The following PRKDC variants were observed in gnomAD, a reference collection of about 807,000 sequenced individuals.
PRKDC encodes the protein protein kinase, DNA-activated, catalytic subunit, also known as DNA-dependent protein kinase catalytic subunit.
Under a neutral mutation model 486.9 loss-of-function variants are expected in PRKDC, and 82 were observed. The observed-to-expected ratio is 0.17, with a 90% CI of 0.14 to 0.20. The LOEUF (loss-of-function observed/expected upper bound fraction) is 0.20, where lower values mean the gene tolerates loss of function less well. Among genes scored for constraint, PRKDC ranks in the 10% least tolerant of loss-of-function variants. The probability of loss-of-function intolerance (pLI) is 1.00; values close to 1 mark genes in which losing one functional copy is unlikely to be tolerated. For missense variants in PRKDC, 4,504 were observed against 5,038.2 expected, an observed-to-expected ratio of 0.89 and a Z score of 3.21; for synonymous variants, 1,895 against 1,837.0, an observed-to-expected ratio of 1.03 and a Z score of -0.81.
At chr8:47,816,607 C>T (rs764465432) in intron 68 of PRKDC, among the ~76,000 whole-genome samples, 2 of 152,002 alleles carry the variant, frequency 1.3e-5, no homozygotes, top group African/African-American at 2.4e-5. Context: ...TGATCTATAA[C>T]GAGGCAAAGG....
chr8:47,944,074 T>A (rs8178006), intron 7 of PRKDC, 45 bp from the exon 8 acceptor site: 1 of 1,453,290 alleles, frequency 6.9e-7, no homozygotes, highest in Admixed American at 2.0e-5. Flanking sequence ...AATAACAGTA[T>A]CACATAACAC....
At chr8:47,914,793 GAA>G (rs538297890) in intron 23 of PRKDC, among the ~76,000 whole-genome samples, 13 of 125,732 alleles carry the variant, frequency 1.0e-4, no homozygotes, top group East Asian at 2.3e-4. Flanking sequence ...AGAGCGAGGG[GAA>G]AAAAAAAAAA....
intron 78 of PRKDC, among the ~76,000 whole-genome samples, chr8:47,783,196 C>T (rs976898964): frequency 2.0e-5 from 3 of 150,072 alleles, no homozygotes; most frequent in Non-Finnish European, 4.4e-5. Flanking sequence ...GAGAATCGCC[C>T]GAACCCAGGG....
intron 64 of PRKDC, among the ~76,000 whole-genome samples, chr8:47,822,454 T>C (rs1021987711): frequency 6.6e-6 from 1 of 152,158 alleles, no homozygotes; most frequent in East Asian, 1.9e-4. Flanking sequence ...AGAATAAAAT[T>C]AGAATACAGG....
intron 25 of PRKDC, among the ~76,000 whole-genome samples, chr8:47,907,689 C>T (rs1209744875): frequency 6.6e-6 from 1 of 151,854 alleles, no homozygotes; most frequent in Admixed American, 6.6e-5. Flanking sequence ...CGTCCACCAC[C>T]ACGCCCGGCT....
chr8:47,781,661 T>TA, intron 80 of PRKDC, among the ~76,000 whole-genome samples: 1 of 152,128 alleles, frequency 6.6e-6, no homozygotes, highest in Non-Finnish European at 1.5e-5. Flanking sequence ...GAGAAAAGGA[T>TA]ACAGAAAAAT....
chr8:47,812,841 G>A (rs1239545524), intron 68 of PRKDC, among the ~76,000 whole-genome samples: 1 of 151,936 alleles, frequency 6.6e-6, no homozygotes, highest in Non-Finnish European at 1.5e-5. Flanking sequence ...CCTTTACCCA[G>A]ATGAATCAAG....
chr8:47,937,379 A>C (rs555711752), intron 11 of PRKDC, among the ~76,000 whole-genome samples: 2 of 152,252 alleles, frequency 1.3e-5, no homozygotes, highest in Non-Finnish European at 2.9e-5. Flanking sequence ...GCTATGTTCT[A>C]GGCACTGTTT....
In PRKDC at chr8:47,901,428, C is replaced by T. The variant is rs182064516; in HGVS notation, c.3270-961G>A. Reference sequence around the variant, plus strand: ...AGCAGAGGTTGCAGTGAGCCGAGATCGCACCACTGCACTCCAGCCTGGGTG... The same window carrying T: ...AGCAGAGGTTGCAGTGAGCCGAGATTGCACCACTGCACTCCAGCCTGGGTG... On this transcript the variant is annotated intron_variant, in intron 27 of 85. Coordinates refer to ENST00000314191, the MANE Select transcript of PRKDC (RefSeq NM_006904.7). Among the ~76,000 whole-genome samples, 4 of 152,014 alleles carry T rather than the reference C, an allele frequency of 2.6e-5. No homozygotes were observed. The South Asian group carries it at 8.3e-4, about 32-fold the overall frequency.
intron 67 of PRKDC, among the ~76,000 whole-genome samples, chr8:47,818,265 T>C (rs151231835): frequency 6.6e-6 from 1 of 152,098 alleles, no homozygotes; most frequent in African/African-American, 2.4e-5. Flanking sequence ...AAAAAATCCA[T>C]CTCATAAAGT....
rs777234577 is a variant in PRKDC, at chr8:47,854,131, G to C, written c.6845C>G (p.Ala2282Gly). The C allele has an allele frequency of 6.2e-7, 1 of 1,613,910 alleles. No individual in the cohort carries two copies. Among genetic ancestry groups the C allele is most frequent in the Non-Finnish European group, 8.5e-7 (1 of 1,179,822 alleles). ...VGIQLLGIVM[A>G]NDLPPYDPQC... is the part of the protein sequence containing the mutation. The stretch of plus-strand genomic sequence containing the variant: ...TGGGTCATAGGGAGGCAGGTCATTG[G>C]CCATCACGATGCCTAGCAATTGAAT... Residue 2282 changes from alanine (A) to glycine (G), a missense_variant, in exon 51 of 86, where the codon GCC (alanine) becomes GGC (glycine). This residue lies in a region of PRKDC where 1,592 missense variants were observed against 1,724.6 expected (regional missense o/e 0.92). Coordinates refer to ENST00000314191, the MANE Select transcript of PRKDC (RefSeq NM_006904.7).
Position 47,957,397 on chromosome 8 carries a change from G to T in PRKDC, c.189C>A (p.Phe63Leu), listed in dbSNP as rs372416216. 9.4e-6 allele frequency: 15 copies of T among 1,591,970 alleles called. No homozygotes were observed. Among genetic ancestry groups the T allele is most frequent in the Non-Finnish European group, 1.2e-5 (14 of 1,168,372 alleles). The change falls in exon 2 of 86, where the codon TTC (phenylalanine) becomes TTA (leucine). Residue 63 changes from phenylalanine (F) to leucine (L), a missense_variant. Physicochemically the swap from Phe to Leu is conservative, Grantham distance 22 (BLOSUM62 0). This residue lies in a region of PRKDC where 145 missense variants were observed against 136.3 expected (regional missense o/e 1.06). Transcript: ENST00000314191. Reference sequence around the variant, plus strand: ...ACTTCCGGACAAATACAAGCAAACCGAAATCTCTGGAAAAAACTAAAGATG... The same window carrying T: ...ACTTCCGGACAAATACAAGCAAACCTAAATCTCTGGAAAAAACTAAAGATG... ...LQTSLVFSRD[F>L]GLLVFVRKSL...
chr8:47,774,358 G>A lies in PRKDC; in HGVS notation c.12202C>T (p.His4068Tyr). 1 of 1,613,072 alleles carries A rather than the reference G, an allele frequency of 6.2e-7. No homozygotes were observed. Among genetic ancestry groups the A allele is most frequent in the South Asian group, 1.1e-5 (1 of 90,880 alleles). ...VITCDELLLG[H>Y]EKAPAFRDYV... Reference sequence around the variant, plus strand: ...TCTCTGAAGGCAGGGGCCTTCTCATGACCCAGGAGTAGCTCATCACTGGAA... The same window carrying A: ...TCTCTGAAGGCAGGGGCCTTCTCATAACCCAGGAGTAGCTCATCACTGGAA... Residue 4068 changes from histidine to tyrosine, a missense_variant, in exon 86 of 86, where the codon CAT becomes TAT. Physicochemically the swap from His to Tyr is moderately conservative, Grantham distance 83 (BLOSUM62 2). This residue lies in a region of PRKDC where 706 missense variants were observed against 945.0 expected (regional missense o/e 0.75). Coordinates refer to ENST00000314191, the MANE Select transcript of PRKDC (RefSeq NM_006904.7).
chr8:47,778,590 G>T lies in PRKDC; in HGVS notation c.11722C>A (p.His3908Asn), dbSNP rs1370198911. The change falls in exon 83 of 86, where the codon CAC becomes AAC. Residue 3908 changes from histidine to asparagine, a missense_variant. Coordinates refer to ENST00000314191, the MANE Select transcript of PRKDC (RefSeq NM_006904.7). ...CAGTGGCTGATGCATATCAGAGCGT[G>T]AGAGCTGGCGAAGTGGGAGCGGAGC... ...LALRSHFASS[H>N]ALICISHWIL... The T allele has an allele frequency of 6.2e-7, 1 of 1,613,760 alleles. No individual in the cohort carries two copies. The highest frequency in any genetic ancestry group is 1.3e-5 in the African/African-American group (1 of 75,044).
At chr8:47,851,109 C>T (rs772368287) in intron 52 of PRKDC, among the ~76,000 whole-genome samples, 4 of 152,222 alleles carry the variant, frequency 2.6e-5, no homozygotes, top group Non-Finnish European at 4.4e-5. Context: ...AGCACCCGGC[C>T]TCTTACCAAC....
At chr8:47,796,074 T>C (rs1322705201) in intron 73 of PRKDC, among the ~76,000 whole-genome samples, 1 of 151,704 alleles carries the variant, frequency 6.6e-6, no homozygotes, top group Non-Finnish European at 1.5e-5. Flanking sequence ...TTTGTATTTT[T>C]AGTAGAGACA....
chr8:47,882,525 A>C (rs1173657840), intron 36 of PRKDC, among the ~76,000 whole-genome samples: 2 of 152,264 alleles, frequency 1.3e-5, no homozygotes, highest in Non-Finnish European at 2.9e-5. Flanking sequence ...GTACACACAT[A>C]AGCAAACATG....
At chr8:47,860,854 AC>A in intron 45 of PRKDC, 44 bp downstream of exon 45, 1 of 1,447,238 alleles carries the variant, frequency 6.9e-7, no homozygotes, top group African/African-American at 1.4e-5. Context: ...AAACAAAATA[AC>A]CCATCGATTT....
Position 47,897,260 on chromosome 8 carries a change from C to A in PRKDC, c.3499G>T (p.Asp1167Tyr). The A allele has an allele frequency of 6.2e-7, 1 of 1,602,512 alleles. No homozygotes were observed. The highest frequency in any genetic ancestry group is 1.1e-5 in the South Asian group (1 of 90,356). ...FPPSASLCLL[D>Y]LVKWLLAHCG... ...TGAGCTAAAAGCCACTTGACCAGAT[C>A]CAATAAACACAATGATGCGGAAGGT... Residue 1167 changes from aspartate (D) to tyrosine (Y), a missense_variant, in exon 30 of 86, where the codon GAT (aspartate) becomes TAT (tyrosine). By Grantham distance (160) the Asp-to-Tyr change is radical. Transcript: ENST00000314191.
Sources: allele counts gnomAD v4.1 joint callset (sites outside exome capture counted in the v4.1 genomes callset), GRCh38; gene constraint gnomAD v4.1.1; regional missense constraint gnomAD v4.1.1; transcripts MANE v1.5; gene names NCBI Gene and HGNC (gene_info 2026-07-23, HGNC 2026-07-21).